NELL1: variants seen among roughly 807,000 people sequenced by gnomAD.
NELL1 encodes the protein protein kinase C-binding protein NELL1.
In NELL1, 76 loss-of-function variants were observed where a neutral mutation model predicts 107.4. The observed-to-expected ratio is 0.71, with a 90% CI of 0.59 to 0.86. The LOEUF (loss-of-function observed/expected upper bound fraction) is 0.86, where lower values mean the gene tolerates loss of function less well. Among genes scored for constraint, NELL1 ranks in the 40% least tolerant of loss-of-function variants. The probability of loss-of-function intolerance (pLI) is 0.00; values close to 1 mark genes in which losing one functional copy is unlikely to be tolerated. For synonymous variants in NELL1, 353 were observed against 341.2 expected, an observed-to-expected ratio of 1.03 and a Z score of -0.38; for missense variants, 1,024 against 1,005.5, an observed-to-expected ratio of 1.02 and a Z score of -0.25.
intron 12 of NELL1, among the ~76,000 whole-genome samples, chr11:21,095,951 C>G (rs1197389267): frequency 6.6e-6 from 1 of 152,092 alleles, no homozygotes; most frequent in Non-Finnish European, 1.5e-5. Context: ...AGAGAGAGCT[C>G]GTGTAGGGGA....
chr11:20,898,359 G>A (rs1849796729), intron 5 of NELL1, among the ~76,000 whole-genome samples: 1 of 151,976 alleles, frequency 6.6e-6, no homozygotes, highest in Admixed American at 6.6e-5. Flanking sequence ...TCATAAGGGG[G>A]AATTGAACAA....
At chr11:21,046,925 C>T (rs560420506) in intron 12 of NELL1, among the ~76,000 whole-genome samples, 65 of 151,670 alleles carry the variant, frequency 4.3e-4, no homozygotes, top group African/African-American at 1.4e-3. Flanking sequence ...TTCTGTTGCC[C>T]AGGCTGGTCT....
intron 5 of NELL1, among the ~76,000 whole-genome samples, chr11:20,915,823 G>A (rs141037327): frequency 9.7e-4 from 144 of 148,410 alleles, no homozygotes; most frequent in African/African-American, 3.3e-3. Flanking sequence ...TACATGCTTA[G>A]CAAATGCTTC....
chr11:21,502,594 A>G (rs1253955378), intron 15 of NELL1, among the ~76,000 whole-genome samples: 1 of 152,138 alleles, frequency 6.6e-6, no homozygotes, highest in Admixed American at 6.5e-5. Flanking sequence ...TGCCAAAAAT[A>G]TATCTATTGG....
chr11:21,017,080 C>T (rs978115477), intron 12 of NELL1, among the ~76,000 whole-genome samples: 1 of 152,114 alleles, frequency 6.6e-6, no homozygotes, highest in African/African-American at 2.4e-5. Context: ...CTAAAGGTCC[C>T]TTCTGCATCA....
chr11:20,961,081 G>C (rs1345872501), intron 12 of NELL1, among the ~76,000 whole-genome samples: 1 of 152,130 alleles, frequency 6.6e-6, no homozygotes, highest in Non-Finnish European at 1.5e-5. Flanking sequence ...CACAGTAATG[G>C]AGGGACTCAT....
chr11:21,490,139 C>G (rs1380575104), intron 15 of NELL1, among the ~76,000 whole-genome samples: 1 of 151,748 alleles, frequency 6.6e-6, no homozygotes, highest in Non-Finnish European at 1.5e-5. Flanking sequence ...CATTTCTATA[C>G]AACAATGATG....
chr11:20,701,671 G>A (rs36138995), intron 2 of NELL1, among the ~76,000 whole-genome samples: 14,067 of 151,854 alleles, frequency 0.093, 872 homozygotes, highest in Non-Finnish European at 0.13. Flanking sequence ...AATCCATCTT[G>A]AATTCATTTT....
intron 12 of NELL1, among the ~76,000 whole-genome samples, chr11:21,071,096 C>T (rs1021038214): frequency 1.3e-5 from 2 of 152,178 alleles, no homozygotes; most frequent in African/African-American, 4.8e-5. Flanking sequence ...TGTAGTTTTG[C>T]AGTCAGGGTG....
intron 2 of NELL1, among the ~76,000 whole-genome samples, chr11:20,682,972 A>G (rs571121973): frequency 5.1e-4 from 78 of 152,176 alleles, no homozygotes; most frequent in Non-Finnish European, 1.0e-3. Flanking sequence ...TTAAACCAAT[A>G]AAATAATTTG....
chr11:21,284,445 A>G (rs1387200258), intron 14 of NELL1: 2 of 458,092 alleles, frequency 4.4e-6, no homozygotes, highest in East Asian at 7.0e-5. Flanking sequence ...ATGGCTGTGC[A>G]CAAGGTCAAC....
chr11:20,806,381 G>A (rs936280345), intron 3 of NELL1, among the ~76,000 whole-genome samples: 34 of 151,940 alleles, frequency 2.2e-4, no homozygotes, highest in Non-Finnish European at 1.3e-4. Context: ...GGCCAGTAAG[G>A]TTTCCACTGA....
intron 11 of NELL1, among the ~76,000 whole-genome samples, chr11:20,957,109 T>C (rs1851191230): frequency 6.6e-6 from 1 of 152,172 alleles, no homozygotes; most frequent in Non-Finnish European, 1.5e-5. Context: ...GTTTAAAATA[T>C]GGCTTCTAGT....
In NELL1 at chr11:20,803,130, G is replaced by A. The variant is rs186023953; in HGVS notation, c.335+19300G>A. ...TCCTCTATTTTTCAGGATAGTTTGAGTAGGATTGGTATTAGTTTTTTTTAA... is the reference window on the plus strand; with the variant it reads ...TCCTCTATTTTTCAGGATAGTTTGAATAGGATTGGTATTAGTTTTTTTTAA... On this transcript the variant is annotated intron_variant, in intron 3 of 19. Transcript: ENST00000357134. Among the ~76,000 whole-genome samples, 271 of 152,190 alleles carry A rather than the reference G, an allele frequency of 1.8e-3. 1 individual carries two copies. The highest frequency in any genetic ancestry group is 3.6e-3 in the Admixed American group (55 of 15,272).
chr11:20,935,612 C>G (rs1390708222), intron 9 of NELL1: 1 of 152,160 alleles, frequency 6.6e-6, no homozygotes, highest in Non-Finnish European at 1.5e-5. Flanking sequence ...TGATTTCAAG[C>G]AGGGCCTCAT....
chr11:21,187,921 C>G (rs1856968505), intron 13 of NELL1, among the ~76,000 whole-genome samples: 5 of 151,822 alleles, frequency 3.3e-5, no homozygotes, highest in Admixed American at 2.0e-4. Context: ...GAAATCTTAT[C>G]TGACTTTTAG....
intron 14 of NELL1, among the ~76,000 whole-genome samples, chr11:21,280,759 A>T (rs896801515): frequency 2.0e-5 from 3 of 152,160 alleles, no homozygotes; most frequent in East Asian, 3.9e-4. Flanking sequence ...TTTAAGTTTA[A>T]TAAACTTAAA....
intron 16 of NELL1, among the ~76,000 whole-genome samples, chr11:21,544,712 A>C (rs1856389187): frequency 6.6e-6 from 1 of 151,834 alleles, no homozygotes; most frequent in South Asian, 2.1e-4. Context: ...GAATGTTCTA[A>C]ATGTATTTGG....
At chr11:20,823,380 A>C (rs1388923335) in intron 3 of NELL1, among the ~76,000 whole-genome samples, 1 of 151,186 alleles carries the variant, frequency 6.6e-6, no homozygotes, top group African/African-American at 2.4e-5. Context: ...CTCCCACAAC[A>C]TGTGGGAAAT....
Sources: gnomAD v4.1 joint callset for allele counts (sites outside exome capture counted in the v4.1 genomes callset) on GRCh38, gnomAD v4.1.1 for gene constraint, MANE v1.5 for transcripts, NCBI Gene and HGNC (gene_info 2026-07-23, HGNC 2026-07-21) for gene names.